MACROD2: variants seen among roughly 807,000 people sequenced by gnomAD.
MACROD2 encodes the protein ADP-ribose glycohydrolase MACROD2.
A neutral mutation model predicts 70.4 loss-of-function variants in MACROD2; 36 were observed. That is an observed-to-expected ratio of 0.51 (90% confidence interval 0.39 to 0.68). MACROD2 has a LOEUF of 0.68. MACROD2 is among the 30% of genes least tolerant of loss of function. MACROD2 has a pLI of 0.00. For missense variants in MACROD2, 496 were observed against 538.4 expected (o/e 0.92, Z 0.78); for synonymous variants, 172 against 178.8 (o/e 0.96, Z 0.30).
chr20:16,017,464 T>C (rs2066944532), intron 15 of MACROD2, among the ~76,000 whole-genome samples: 1 of 152,210 alleles, frequency 6.6e-6, no homozygotes, highest in South Asian at 2.1e-4. Context: ...CATCATGTGG[T>C]CTTTGCAGAA....
At chr20:14,251,059 T>C (rs58243986) in intron 3 of MACROD2, among the ~76,000 whole-genome samples, 57,860 of 152,028 alleles carry the variant, frequency 0.38, 12,714 homozygotes, top group African/African-American at 0.58. Context: ...TCTAAACATA[T>C]TTTTATTGCT....
intron 5 of MACROD2, among the ~76,000 whole-genome samples, chr20:14,843,306 C>T (rs1278584618): frequency 1.3e-5 from 2 of 151,012 alleles, no homozygotes; most frequent in African/African-American, 4.9e-5. Context: ...TTATTTTTCT[C>T]ATCCTTCTAA....
At chr20:15,807,120 T>C (rs971672306) in intron 8 of MACROD2, among the ~76,000 whole-genome samples, 1 of 152,170 alleles carries the variant, frequency 6.6e-6, no homozygotes, top group African/African-American at 2.4e-5. Flanking sequence ...AAGGAAAAAT[T>C]ATGTTCACCT....
intron 5 of MACROD2, among the ~76,000 whole-genome samples, chr20:14,806,330 C>T (rs1484023794): frequency 6.6e-6 from 1 of 152,072 alleles, no homozygotes; most frequent in Admixed American, 6.6e-5. Flanking sequence ...GGGGCGTTGC[C>T]TCACTGAAGA....
At chr20:14,440,970 G>T (rs921051994) in intron 3 of MACROD2, among the ~76,000 whole-genome samples, 1 of 152,152 alleles carries the variant, frequency 6.6e-6, no homozygotes, top group African/African-American at 2.4e-5. Context: ...CACCCCCTTT[G>T]CTAGATACCT....
At chr20:14,329,232 A>G (rs761034859) in intron 3 of MACROD2, 4 of 152,132 alleles carry the variant, frequency 2.6e-5, no homozygotes, top group Non-Finnish European at 5.9e-5. Context: ...TCTTTTAAGA[A>G]GTAAAGGAAA....
chr20:15,500,391 A>G (rs1395142319), intron 8 of MACROD2, among the ~76,000 whole-genome samples: 4 of 152,182 alleles, frequency 2.6e-5, no homozygotes, highest in Non-Finnish European at 5.9e-5. Flanking sequence ...TCATCCTCCT[A>G]TTCTGCTTAC....
At chr20:15,218,931 A>G (rs2076834140) in intron 5 of MACROD2, among the ~76,000 whole-genome samples, 1 of 152,144 alleles carries the variant, frequency 6.6e-6, no homozygotes, top group Non-Finnish European at 1.5e-5. Flanking sequence ...CTGTAGTCCC[A>G]GCTACTCAGG....
chr20:14,604,733 A>T (rs192115260), intron 4 of MACROD2, among the ~76,000 whole-genome samples: 4 of 152,264 alleles, frequency 2.6e-5, no homozygotes, highest in African/African-American at 9.6e-5. Flanking sequence ...AATTTTAGGG[A>T]GCAAGACCAG....
chr20:14,384,740 T>C (rs1378518712), intron 3 of MACROD2, among the ~76,000 whole-genome samples: 1 of 151,952 alleles, frequency 6.6e-6, no homozygotes, highest in Non-Finnish European at 1.5e-5. Context: ...CTAGTAATTC[T>C]TGTGCAATTG....
chr20:15,444,130 C>A (rs1217903723), intron 7 of MACROD2, among the ~76,000 whole-genome samples: 2 of 152,080 alleles, frequency 1.3e-5, no homozygotes, highest in African/African-American at 4.8e-5. Context: ...TATAGATTTG[C>A]CTGTTTTGGG....
At chr20:15,513,816 C>T (rs763597783) in intron 8 of MACROD2, among the ~76,000 whole-genome samples, 9 of 152,172 alleles carry the variant, frequency 5.9e-5, no homozygotes, top group Non-Finnish European at 1.3e-4. Flanking sequence ...ACTAAAAATA[C>T]AGTCATGTGC....
chr20:14,103,342 A>C (rs1189812280), intron 3 of MACROD2, among the ~76,000 whole-genome samples: 1 of 152,204 alleles, frequency 6.6e-6, no homozygotes, highest in Non-Finnish European at 1.5e-5. Flanking sequence ...AGAGAGACTA[A>C]AAAATGCAAG....
At chr20:14,795,929 C>T (rs1283540698) in intron 5 of MACROD2, among the ~76,000 whole-genome samples, 1 of 151,936 alleles carries the variant, frequency 6.6e-6, no homozygotes, top group African/African-American at 2.4e-5. Context: ...GGGAGCCAAT[C>T]GAACTTGCAG....
intron 8 of MACROD2, among the ~76,000 whole-genome samples, chr20:15,816,943 C>T (rs769022595): frequency 5.9e-5 from 9 of 152,234 alleles, no homozygotes; most frequent in South Asian, 2.1e-4. Flanking sequence ...GTGCCATGTT[C>T]GTGCCAGCGA....
intron 2 of MACROD2, among the ~76,000 whole-genome samples, chr20:14,028,480 T>G (rs2053205826): frequency 6.6e-6 from 1 of 152,076 alleles, no homozygotes; most frequent in South Asian, 2.1e-4. Context: ...GAAAAAAAAC[T>G]CCTGCAGCTA....
At chr20:14,136,549 C>A (rs966725407) in intron 3 of MACROD2, among the ~76,000 whole-genome samples, 2 of 152,072 alleles carry the variant, frequency 1.3e-5, no homozygotes, top group Non-Finnish European at 2.9e-5. Context: ...AGTACGGTGC[C>A]TGGACCAGCA....
intron 5 of MACROD2, among the ~76,000 whole-genome samples, chr20:14,981,275 A>G (rs1181856355): frequency 6.6e-6 from 1 of 152,022 alleles, no homozygotes; most frequent in Non-Finnish European, 1.5e-5. Flanking sequence ...CCCTGTTCCC[A>G]GCTTTTGCAA....
chr20:15,932,099 T>C (rs2065588402), intron 10 of MACROD2, among the ~76,000 whole-genome samples: 1 of 152,168 alleles, frequency 6.6e-6, no homozygotes, highest in Admixed American at 6.5e-5. Flanking sequence ...CTTGTGACAC[T>C]GGCTGAGGTC....
Sources: allele counts gnomAD v4.1 joint callset (sites outside exome capture counted in the v4.1 genomes callset), GRCh38; gene constraint gnomAD v4.1.1; transcripts MANE v1.5; gene names NCBI Gene and HGNC (gene_info 2026-07-23, HGNC 2026-07-21).